The following PDE1A variants were observed in gnomAD, a reference collection of about 807,000 sequenced individuals.
The protein encoded by PDE1A is phosphodiesterase 1A.
In PDE1A, 35 loss-of-function variants were observed where a neutral mutation model predicts 61.7. The ratio of observed to expected loss-of-function variants is 0.57; its 90% CI spans 0.43 to 0.75. PDE1A has a LOEUF of 0.75. Among genes scored for constraint, PDE1A ranks in the 30% least tolerant of loss-of-function variants. PDE1A has a pLI of 0.00. For missense variants in PDE1A, 597 were observed against 630.6 expected (o/e 0.95, Z 0.57); for synonymous variants, 232 against 213.2 (o/e 1.09, Z -0.77).
intron 4 of PDE1A, among the ~76,000 whole-genome samples, chr2:182,232,380 G>A (rs58264204): frequency 0.051 from 7,741 of 152,234 alleles, 628 homozygotes; most frequent in African/African-American, 0.18. Flanking sequence ...AAAGCTATGC[G>A]TTAATTTTCT....
chr2:182,685,126 CAGAG>C, the PDE1A span, among the ~76,000 whole-genome samples: 1 of 148,124 alleles, frequency 6.8e-6, no homozygotes, highest in Non-Finnish European at 1.5e-5. Context: ...CACACACACA[CAGAG>C]AGAGAGAGAG....
At chr2:182,501,978 G>GA (rs890994414) in intron 2 of PDE1A, among the ~76,000 whole-genome samples, 1 of 152,014 alleles carries the variant, frequency 6.6e-6, no homozygotes, top group African/African-American at 2.4e-5. Flanking sequence ...AACGTAACAG[G>GA]AAAAAAGGCA....
Position 182,364,466 on chromosome 2 carries a change from TAAAAAAAAAAA to T in PDE1A, c.53+62101_53+62111del, listed in dbSNP as rs201821721. On this transcript the variant is annotated intron_variant, in intron 1 of 13. Coordinates refer to ENST00000351439, the Ensembl canonical transcript of PDE1A. ...CTCAGACTATATTAGAACACTTTGG[TAAAAAAAAAAA>T]AAAAAAAAAAAAAAAAAAAAAACCT... Among the ~76,000 whole-genome samples the T allele has an allele frequency of 6.9e-3, 247 of 35,852 alleles. 3 individuals carry two copies. The highest frequency in any genetic ancestry group is 0.016 in the South Asian group (12 of 760). 23.5% of individuals were successfully genotyped at this position (35,852 alleles called of 152,430 possible). A position where few individuals can be genotyped will look rare whatever the true frequency, so the allele number is the denominator to read the frequency against.
At chr2:182,628,422 T>G in the PDE1A span, among the ~76,000 whole-genome samples, 1 of 152,192 alleles carries the variant, frequency 6.6e-6, no homozygotes, top group African/African-American at 2.4e-5. Context: ...TTAACTAGAG[T>G]TCTTTTCCTT....
chr2:182,629,594 CCTA>C, the PDE1A span, among the ~76,000 whole-genome samples: 484 of 152,312 alleles, frequency 3.2e-3, 3 homozygotes, highest in African/African-American at 0.011. Flanking sequence ...CTCCAGGTTT[CCTA>C]CTATCTTTCT....
intron 13 of PDE1A, among the ~76,000 whole-genome samples, chr2:182,180,129 C>G (rs1684628950): frequency 6.6e-6 from 1 of 152,086 alleles, no homozygotes; most frequent in Non-Finnish European, 1.5e-5. Context: ...ATGGCAATAT[C>G]TGATACTCAG....
intron 6 of PDE1A, among the ~76,000 whole-genome samples, chr2:182,224,188 G>A (rs1574069179): frequency 6.6e-6 from 1 of 151,768 alleles, no homozygotes; most frequent in East Asian, 1.9e-4. Context: ...GAATATAATT[G>A]TCCTTGCTAA....
chr2:182,352,549 G>A (rs1698943863), intron 1 of PDE1A, among the ~76,000 whole-genome samples: 2 of 151,450 alleles, frequency 1.3e-5, no homozygotes, highest in South Asian at 4.2e-4. Context: ...CTAAGAAAGG[G>A]AAGAAAGAGG....
At chr2:182,164,101 G>A (rs987630195), downstream of PDE1A, among the ~76,000 whole-genome samples, 3 of 151,958 alleles carry the variant, frequency 2.0e-5, no homozygotes, top group African/African-American at 7.2e-5. Flanking sequence ...CATTAACTGG[G>A]TGTTATTTGG....
chr2:182,421,963 G>T (rs998222986), intron 1 of PDE1A, among the ~76,000 whole-genome samples: 1 of 152,074 alleles, frequency 6.6e-6, no homozygotes, highest in African/African-American at 2.4e-5. Flanking sequence ...AAATATGCCT[G>T]CCAAATACAC....
chr2:182,318,548 G>C (rs909310277), intron 1 of PDE1A, among the ~76,000 whole-genome samples: 1 of 152,094 alleles, frequency 6.6e-6, no homozygotes, highest in African/African-American at 2.4e-5. Flanking sequence ...CTGTTTTGCC[G>C]AAAATTAAAT....
chr2:182,374,212 G>C (rs944951415), intron 1 of PDE1A, among the ~76,000 whole-genome samples: 9 of 151,940 alleles, frequency 5.9e-5, no homozygotes, highest in Admixed American at 3.9e-4. Flanking sequence ...AATCAAAATA[G>C]ATAACTCTCA....
chr2:182,613,548 G>A, the PDE1A span, among the ~76,000 whole-genome samples: 1 of 149,332 alleles, frequency 6.7e-6, no homozygotes, highest in Non-Finnish European at 1.5e-5. Flanking sequence ...GGGCGACAGA[G>A]TGAGACTCCA....
intron 1 of PDE1A, among the ~76,000 whole-genome samples, chr2:182,298,233 T>A (rs1026514802): frequency 2.6e-5 from 4 of 152,180 alleles, no homozygotes; most frequent in African/African-American, 4.8e-5. Context: ...TTATAGGACC[T>A]ATGAAATTGG....
At chr2:182,302,513 T>A (rs833145) in intron 1 of PDE1A, among the ~76,000 whole-genome samples, 141,715 of 152,270 alleles carry the variant, frequency 0.93, 66,496 homozygotes, top group East Asian at 0.99. Flanking sequence ...GCTAACAATC[T>A]TCTGAGCCTT....
intron 3 of PDE1A, among the ~76,000 whole-genome samples, chr2:182,235,833 G>A (rs554056285): frequency 5.9e-5 from 9 of 152,250 alleles, no homozygotes; most frequent in African/African-American, 9.6e-5. Context: ...AATATTCTAC[G>A]TCTTTTATAA....
At chr2:182,145,776 G>A (rs1335260188), downstream of PDE1A, among the ~76,000 whole-genome samples, 2 of 152,078 alleles carry the variant, frequency 1.3e-5, no homozygotes, top group Non-Finnish European at 2.9e-5. Flanking sequence ...TATACAAGAT[G>A]TTCACCACAG....
At chr2:182,707,672 C>A in the PDE1A span, among the ~76,000 whole-genome samples, 2 of 152,150 alleles carry the variant, frequency 1.3e-5, no homozygotes, top group African/African-American at 4.8e-5. Flanking sequence ...AGGAAGAAAA[C>A]TCCAGGTGGA....
chr2:182,212,987 G>C (rs1176852358), intron 7 of PDE1A, among the ~76,000 whole-genome samples: 1 of 150,306 alleles, frequency 6.7e-6, no homozygotes, highest in Non-Finnish European at 1.5e-5. Flanking sequence ...CAAAAAGACA[G>C]CAGTAACCTC....
Sources: allele counts gnomAD v4.1 joint callset (sites outside exome capture counted in the v4.1 genomes callset), GRCh38; gene constraint gnomAD v4.1.1; transcripts MANE v1.5; gene names NCBI Gene and HGNC (gene_info 2026-07-23, HGNC 2026-07-21).